SOBP: variants seen among roughly 807,000 people sequenced by gnomAD.
The protein encoded by SOBP is sine oculis binding protein homolog, also known as sine oculis-binding protein homolog.
SOBP carries 4 observed loss-of-function variants against 53.6 expected under a neutral mutation model. That is an observed-to-expected ratio of 0.07 (90% CI 0.04 to 0.17). SOBP has a LOEUF of 0.17. Among genes scored for constraint, SOBP ranks in the 10% least tolerant of loss-of-function variants. The probability of loss-of-function intolerance (pLI) is 1.00; values close to 1 mark genes in which losing one functional copy is unlikely to be tolerated. For synonymous variants in SOBP, 584 were observed against 522.6 expected (o/e 1.12, Z -1.60); for missense variants, 1,088 against 1,204.7 (o/e 0.90, Z 1.43).
intron 6 of SOBP, among the ~76,000 whole-genome samples, chr6:107,650,620 G>C (rs974581410): frequency 2.0e-5 from 3 of 152,174 alleles, no homozygotes; most frequent in Non-Finnish European, 4.4e-5. Context: ...CTGCACCCAT[G>C]TAAGAGGTAA....
At chr6:107,555,602 C>T (rs983515507) in intron 4 of SOBP, among the ~76,000 whole-genome samples, 4 of 152,236 alleles carry the variant, frequency 2.6e-5, no homozygotes, top group South Asian at 4.1e-4. Context: ...CACAGCTCTC[C>T]AAGGCACTGC....
At position 107,495,728 on chromosome 6, in the gene SOBP, C is replaced by A. The variant is rs867032454; in HGVS notation, c.96+5016C>A. ...GGGCAAATATTAGTGAGCACAGTGGCTCTCTAAAAGGGAGAGTTCTAGGAA... is the reference window on the plus strand; with the variant it reads ...GGGCAAATATTAGTGAGCACAGTGGATCTCTAAAAGGGAGAGTTCTAGGAA... On this transcript the variant is annotated intron_variant, in intron 1 of 6. Coordinates refer to ENST00000317357, the MANE Select transcript of SOBP (RefSeq NM_018013.4). Among the ~76,000 whole-genome samples the A allele has an allele frequency of 2.0e-5, 3 of 152,162 alleles. No homozygotes were observed. In the South Asian group the frequency reaches 6.2e-4, roughly 31 times the overall value.
At chr6:107,586,584 AG>A (rs1785576197) in intron 4 of SOBP, among the ~76,000 whole-genome samples, 1 of 150,890 alleles carries the variant, frequency 6.6e-6, no homozygotes, top group African/African-American at 2.4e-5. Flanking sequence ...CGCTCCTTTT[AG>A]ATCTTTATTT....
intron 6 of SOBP, among the ~76,000 whole-genome samples, chr6:107,650,516 A>T (rs111861481): frequency 3.1e-4 from 47 of 152,270 alleles, no homozygotes; most frequent in African/African-American, 1.1e-3. Context: ...AATTCTCACA[A>T]TGTTTCAAAC....
At position 107,635,157 on chromosome 6, in the gene SOBP, C is replaced by T; in HGVS notation, c.2313C>T (p.Val771=). The T allele has an allele frequency of 6.2e-7, 1 of 1,613,484 alleles. No individual in the cohort carries two copies. Residue 771 remains valine, a synonymous_variant, in exon 6 of 7, where the codon GTC becomes GTT. Coordinates refer to ENST00000317357, the MANE Select transcript of SOBP (RefSeq NM_018013.4). This position sits in a 1 kb window ranked among gnomAD's most constrained non-coding sequence, Gnocchi z 4.5. ...EEPAVSELES[V]KENNCASNCH... ...CGGCGGTGAGCGAGCTAGAGTCGGT[C>T]AAGGAGAATAACTGTGCTTCCAACT...
chr6:107,603,477 A>T (rs1031356882), intron 5 of SOBP, among the ~76,000 whole-genome samples: 2 of 152,224 alleles, frequency 1.3e-5, no homozygotes, highest in Non-Finnish European at 2.9e-5. Context: ...AAAACATGCC[A>T]TCTGTACCCC....
chr6:107,524,353 G>T (rs1783598633), intron 3 of SOBP, among the ~76,000 whole-genome samples: 1 of 152,188 alleles, frequency 6.6e-6, no homozygotes, highest in Non-Finnish European at 1.5e-5. Flanking sequence ...GCAAATCCAT[G>T]ATTGCAGCAT....
At chr6:107,632,006 CAAGG>C (rs1181929202) in intron 5 of SOBP, among the ~76,000 whole-genome samples, 1 of 152,236 alleles carries the variant, frequency 6.6e-6, no homozygotes, top group Non-Finnish European at 1.5e-5. Context: ...TGTTTACAAT[CAAGG>C]AAAGCTGAGA....
At chr6:107,576,879 G>C (rs1426916234) in intron 4 of SOBP, among the ~76,000 whole-genome samples, 2 of 152,228 alleles carry the variant, frequency 1.3e-5, no homozygotes, top group Admixed American at 6.5e-5. Context: ...AAATTCATCT[G>C]AGTGCTGAGC....
chr6:107,603,077 G>T (rs1338988938), intron 5 of SOBP, among the ~76,000 whole-genome samples: 3 of 152,106 alleles, frequency 2.0e-5, no homozygotes, highest in Admixed American at 2.0e-4. Context: ...AGGATACATT[G>T]ATACTCAGCT....
intron 1 of SOBP, among the ~76,000 whole-genome samples, chr6:107,495,631 G>A (rs1406969825): frequency 2.0e-5 from 3 of 152,060 alleles, no homozygotes; most frequent in Admixed American, 2.0e-4. Flanking sequence ...CTCCTTGTGT[G>A]AAAGACAGAC....
chr6:107,582,019 A>C (rs775458082), intron 4 of SOBP, among the ~76,000 whole-genome samples: 1 of 152,174 alleles, frequency 6.6e-6, no homozygotes, highest in South Asian at 2.1e-4. Flanking sequence ...CTTGTTTTCA[A>C]AAGAAATCCT....
chr6:107,498,400 C>T (rs1782751637), intron 1 of SOBP, among the ~76,000 whole-genome samples: 1 of 152,146 alleles, frequency 6.6e-6, no homozygotes, highest in Non-Finnish European at 1.5e-5. Context: ...TTAAAATCTA[C>T]TTGTTGTTTT....
At chr6:107,506,453 G>A (rs375387298) in intron 3 of SOBP, 26 bp downstream of exon 3, 189 of 1,611,988 alleles carry the variant, frequency 1.2e-4, no homozygotes, top group Non-Finnish European at 1.6e-4. Context: ...TGTTTTCAGT[G>A]ATAACAATTC....
In SOBP at chr6:107,634,000, G is replaced by A. The variant is rs753304563; in HGVS notation, c.1156G>A (p.Val386Met). 1.1e-5 allele frequency: 17 copies of A among 1,613,530 alleles called. No individual in the cohort carries two copies. The highest frequency in any genetic ancestry group is 1.4e-5 in the Non-Finnish European group (16 of 1,179,774). ...CGTCCCGCCTCGGAGCCCTCCCATG[G>A]TGATGACCAACCGCGGCCCGGTGCC... is the stretch of plus-strand genomic sequence containing the variant. ...LGVPPRSPPM[V>M]MTNRGPVPLP... The change falls in exon 6 of 7, where the codon GTG (valine) becomes ATG (methionine). Residue 386 changes from valine to methionine, a missense_variant. Transcript: ENST00000317357.
At chr6:107,506,884 C>T (rs150992482) in intron 3 of SOBP, among the ~76,000 whole-genome samples, 328 of 152,040 alleles carry the variant, frequency 2.2e-3, no homozygotes, top group African/African-American at 7.4e-3. Flanking sequence ...GATGAAACCC[C>T]ATGTCTACTA....
chr6:107,512,899 T>TA, intron 3 of SOBP, among the ~76,000 whole-genome samples: 1 of 152,352 alleles, frequency 6.6e-6, no homozygotes, highest in South Asian at 2.1e-4. Context: ...CCCAGAGGCT[T>TA]ACAACTTGCC....
At chr6:107,579,420 A>G (rs1457763534) in intron 4 of SOBP, among the ~76,000 whole-genome samples, 1 of 152,128 alleles carries the variant, frequency 6.6e-6, no homozygotes, top group Non-Finnish European at 1.5e-5. Context: ...AATAAAGGAA[A>G]AATAGATTTA....
At chr6:107,576,020 A>G (rs1018531911) in intron 4 of SOBP, among the ~76,000 whole-genome samples, 3 of 152,164 alleles carry the variant, frequency 2.0e-5, no homozygotes, top group South Asian at 4.1e-4. Flanking sequence ...CCATCTTCGC[A>G]TTTGGCTCCT....
Sources: gnomAD v4.1 joint callset for allele counts (sites outside exome capture counted in the v4.1 genomes callset) on GRCh38, gnomAD v4.1.1 for gene constraint, Gnocchi (gnomAD v3.1) non-coding constraint, MANE v1.5 for transcripts, NCBI Gene and HGNC (gene_info 2026-07-23, HGNC 2026-07-21) for gene names.